RAD51C: variants seen among roughly 807,000 people sequenced by gnomAD.
RAD51C encodes the protein DNA repair protein RAD51 homolog 3.
RAD51C carries 42 observed loss-of-function variants against 45.0 expected under a neutral mutation model. The ratio of observed to expected loss-of-function variants is 0.93; its 90% CI spans 0.73 to 1.21. The LOEUF (loss-of-function observed/expected upper bound fraction) is 1.21, where lower values mean the gene tolerates loss of function less well. RAD51C is among the 50% of genes most tolerant of loss of function. The pLI, the probability that RAD51C is intolerant of heterozygous loss-of-function variation, is 0.00. For synonymous variants in RAD51C, 172 were observed against 159.8 expected (o/e 1.08, Z -0.58); for missense variants, 474 against 452.2 (o/e 1.05, Z -0.44).
intron 6 of RAD51C, among the ~76,000 whole-genome samples, chr17:58,722,629 A>G (rs1051741941): frequency 2.6e-5 from 4 of 152,108 alleles, no homozygotes; most frequent in Admixed American, 6.6e-5. Flanking sequence ...TTACATTACT[A>G]TCAGTTTAGT....
chr17:58,716,957 C>CTA (rs1567805179), intron 5 of RAD51C, among the ~76,000 whole-genome samples: 7 of 151,962 alleles, frequency 4.6e-5, no homozygotes, highest in African/African-American at 1.7e-4. Flanking sequence ...CACACCACCA[C>CTA]GCCCGGCTAA....
At chr17:58,695,940 G>A (rs1003700374) in intron 2 of RAD51C, among the ~76,000 whole-genome samples, 3 of 151,840 alleles carry the variant, frequency 2.0e-5, no homozygotes, top group African/African-American at 4.8e-5. Flanking sequence ...GGTGGTTCAC[G>A]CCTATAGTCT....
intron 4 of RAD51C, among the ~76,000 whole-genome samples, chr17:58,706,308 T>C (rs1216294657): frequency 2.0e-5 from 3 of 152,040 alleles, no homozygotes; most frequent in African/African-American, 4.8e-5. Context: ...GTGCCTGTAG[T>C]CCCAGCTACT....
intron 7 of RAD51C, among the ~76,000 whole-genome samples, chr17:58,728,693 C>T (rs1001505093): frequency 6.6e-6 from 1 of 152,116 alleles, no homozygotes; most frequent in Non-Finnish European, 1.5e-5. Context: ...CCACAGCACC[C>T]GTCCAGAAAC....
intron 3 of RAD51C, among the ~76,000 whole-genome samples, chr17:58,700,471 C>A (rs1161953526): frequency 6.6e-6 from 1 of 151,978 alleles, no homozygotes; most frequent in Non-Finnish European, 1.5e-5. Flanking sequence ...AAGATGGGGT[C>A]TCAGTCCATC....
rs1462774351 is a variant in RAD51C at position 58,703,215 on chromosome 17, G to A, written c.591G>A (p.Glu197=). 1 of 1,611,674 alleles carries A rather than the reference G, an allele frequency of 6.2e-7. No individual in the cohort carries two copies. Among genetic ancestry groups the A allele is most frequent in the South Asian group, 1.1e-5 (1 of 91,022 alleles). ...HKGEEHRKAL[E]DFTLDNILSH... Reference sequence around the variant, plus strand: ...TTTCAGAACACCGAAAAGCTTTGGAGGATTTCACTCTTGATAATATTCTTT... The same window carrying A: ...TTTCAGAACACCGAAAAGCTTTGGAAGATTTCACTCTTGATAATATTCTTT... Residue 197 remains glutamate (E), a synonymous_variant, in exon 4 of 9, where the codon GAG becomes GAA. Coordinates refer to ENST00000337432, the MANE Select transcript of RAD51C (RefSeq NM_058216.3).
intron 4 of RAD51C, among the ~76,000 whole-genome samples, chr17:58,704,964 T>C (rs2048329729): frequency 6.6e-6 from 1 of 151,706 alleles, no homozygotes; most frequent in South Asian, 2.1e-4. Flanking sequence ...ACCCCGTCTC[T>C]ACCTAAAAAT....
intron 3 of RAD51C, among the ~76,000 whole-genome samples, chr17:58,697,555 A>AC (rs2048061670): frequency 7.4e-6 from 1 of 134,646 alleles, no homozygotes; most frequent in Non-Finnish European, 1.7e-5. Flanking sequence ...AAAAAAAAAA[A>AC]AACCAAAAAA....
intron 7 of RAD51C, among the ~76,000 whole-genome samples, chr17:58,727,758 C>T (rs572513247): frequency 1.3e-4 from 19 of 151,842 alleles, no homozygotes; most frequent in African/African-American, 4.3e-4. Context: ...CAAGACACCA[C>T]CTCTATAGAT....
chr17:58,726,897 T>C (rs1248491534), intron 7 of RAD51C, among the ~76,000 whole-genome samples: 1 of 152,116 alleles, frequency 6.6e-6, no homozygotes, highest in Admixed American at 6.5e-5. Context: ...CTCGGCTCAC[T>C]GCAAGCTCTG....
chr17:58,723,821 T>G (rs1041213310), intron 6 of RAD51C, among the ~76,000 whole-genome samples: 5 of 152,190 alleles, frequency 3.3e-5, no homozygotes, highest in Admixed American at 3.3e-4. Context: ...AATAAAGTTT[T>G]CTAAAAGCAA....
chr17:58,728,244 CA>C lies in RAD51C; in HGVS notation c.965+4157del, dbSNP rs879559136. ...TGGGCAGCAGAGTAAGACTCTGTCT[CA>C]AAAAAAAAAAAAGTTGCATGAAATT... On this transcript the variant is annotated intron_variant, in intron 7 of 8. Coordinates refer to ENST00000337432, the MANE Select transcript of RAD51C (RefSeq NM_058216.3). Among the ~76,000 whole-genome samples, 1,206 of 123,802 alleles carry C rather than the reference CA, an allele frequency of 9.7e-3. 14 individuals are homozygous for C. Among genetic ancestry groups the C allele is most frequent in the African/African-American group, 0.029 (970 of 33,544 alleles). 81.2% of individuals were successfully genotyped at this position (123,802 alleles called of 152,430 possible).
chr17:58,701,812 C>A (rs1288626953), intron 3 of RAD51C, among the ~76,000 whole-genome samples: 1 of 151,746 alleles, frequency 6.6e-6, no homozygotes, highest in African/African-American at 2.4e-5. Flanking sequence ...TAGTGATCCA[C>A]CCAGCTTCCC....
intron 4 of RAD51C, 85 bp downstream of exon 4, chr17:58,703,414 A>G (rs929193795): frequency 1.4e-6 from 2 of 1,442,778 alleles, no homozygotes; most frequent in Non-Finnish European, 1.9e-6. Flanking sequence ...GTACAGTAGC[A>G]TAAAATCAAA....
Position 58,726,438 on chromosome 17 carries a change from G to A in RAD51C, c.965+2338G>A, listed in dbSNP as rs540101078. Among the ~76,000 whole-genome samples the A allele has an allele frequency of 1.6e-4, 24 of 149,100 alleles. No homozygotes were observed. In the East Asian group the frequency reaches 3.2e-3, roughly 20 times the overall value. On this transcript the variant is annotated intron_variant, in intron 7 of 8. Transcript: ENST00000337432. Reference sequence around the variant, plus strand: ...AGATTATATGTATATATGTGTATACGTATAGATGTATATACATATGTATAT... The same window carrying A: ...AGATTATATGTATATATGTGTATACATATAGATGTATATACATATGTATAT...
intron 5 of RAD51C, among the ~76,000 whole-genome samples, chr17:58,718,989 G>A (rs536658157): frequency 3.3e-5 from 5 of 152,164 alleles, no homozygotes; most frequent in East Asian, 3.9e-4. Context: ...TTGGGAGGCC[G>A]AGGTGGGTGG....
rs1352537691 is a variant in RAD51C, at chr17:58,730,195, C to T, written c.966-2289C>T. ...TTTTTTTTTTTTTGAGATGGAGTCT[C>T]GCCCTGTCGCCCAGGCTGGAGTGCA... On this transcript the variant is annotated intron_variant, in intron 7 of 8. Coordinates refer to ENST00000337432, the MANE Select transcript of RAD51C (RefSeq NM_058216.3). 6.4e-5 allele frequency among the ~76,000 whole-genome samples: 9 copies of T among 139,706 alleles called. No homozygotes were observed. Among genetic ancestry groups the T allele is most frequent in the African/African-American group, 1.1e-4 (4 of 37,374 alleles). 91.7% of individuals were successfully genotyped at this position (139,706 alleles called of 152,430 possible).
At position 58,703,933 on chromosome 17, in the gene RAD51C, CTTTTTTTTTTTTTTTTTT is replaced by C. The variant is rs67254535; in HGVS notation, c.705+614_705+631del. Among the ~76,000 whole-genome samples, 27 of 66,532 alleles carry C rather than the reference CTTTTTTTTTTTTTTTTTT, an allele frequency of 4.1e-4. No homozygotes were observed. In the Admixed American group the frequency reaches 5.2e-3, roughly 13 times the overall value. The allele number at this position is 66,532 out of a possible 152,430, so 43.6% of individuals were successfully genotyped here. A position where few individuals can be genotyped will look rare whatever the true frequency, so the allele number is the denominator to read the frequency against. On this transcript the variant is annotated intron_variant, in intron 4 of 8. Coordinates refer to ENST00000337432, the MANE Select transcript of RAD51C (RefSeq NM_058216.3). ...GAGCTACCGTGCCATCATGTATCAC[CTTTTTTTTTTTTTTTTTT>C]TTTTTTTTTGGGTAGAAATGGAGTC...
intron 7 of RAD51C, among the ~76,000 whole-genome samples, chr17:58,732,082 C>T (rs1204294645): frequency 6.6e-6 from 1 of 152,084 alleles, no homozygotes; most frequent in Non-Finnish European, 1.5e-5. Flanking sequence ...TGATTGTAGT[C>T]TTCTATCAAT....
Sources: allele counts gnomAD v4.1 joint callset (sites outside exome capture counted in the v4.1 genomes callset), GRCh38; gene constraint gnomAD v4.1.1; transcripts MANE v1.5; gene names NCBI Gene and HGNC (gene_info 2026-07-23, HGNC 2026-07-21).